The following AGBL4 variants were observed in gnomAD, a reference collection of about 807,000 sequenced individuals.
AGBL4 encodes cytosolic carboxypeptidase 6.
AGBL4 carries 58 observed loss-of-function variants against 66.4 expected under a neutral mutation model. The ratio of observed to expected loss-of-function variants is 0.87; its 90% CI spans 0.71 to 1.09. AGBL4 has a LOEUF of 1.09. Ranked by LOEUF, AGBL4 falls within the 50% of genes least tolerant of loss-of-function variation. AGBL4 has a pLI of 0.00. For missense variants in AGBL4, 579 were observed against 631.0 expected (o/e 0.92, Z 0.88); for synonymous variants, 234 against 222.9 (o/e 1.05, Z -0.44).
At position 49,049,597 on chromosome 1, in the gene AGBL4, A is replaced by C. The variant is rs370469228; in HGVS notation, c.378-3797T>G. Among the ~76,000 whole-genome samples, 38 of 152,192 alleles carry C rather than the reference A, an allele frequency of 2.5e-4. 1 individual carries two copies. Among genetic ancestry groups the C allele is most frequent in the African/African-American group, 9.1e-4 (38 of 41,560 alleles). On this transcript the variant is annotated intron_variant, in intron 4 of 13. Coordinates refer to ENST00000371839, the MANE Select transcript of AGBL4 (RefSeq NM_032785.4). ...AAAAAGCAATGAAAAAAAGGGAAAA[A>C]ACCTTCTTATCCCAGAATAACATTG... is the stretch of plus-strand genomic sequence containing the variant.
At chr1:49,192,082 T>TAACTATTCTCTTTTCTCTGC (rs1345429162) in intron 4 of AGBL4, among the ~76,000 whole-genome samples, 1 of 152,164 alleles carries the variant, frequency 6.6e-6, no homozygotes, top group African/African-American at 2.4e-5. Flanking sequence ...CAACAGTGTA[T>TAACTATTCTCTTTTCTCTGC]AACTATTCTC....
At chr1:49,807,659 G>A (rs1368609346) in intron 2 of AGBL4, among the ~76,000 whole-genome samples, 2 of 152,184 alleles carry the variant, frequency 1.3e-5, no homozygotes, top group Non-Finnish European at 2.9e-5. Context: ...TTACTGGGAT[G>A]GAATGAATGC....
At chr1:49,555,521 T>TCTA in intron 3 of AGBL4, among the ~76,000 whole-genome samples, 3 of 144,396 alleles carry the variant, frequency 2.1e-5, no homozygotes, top group South Asian at 2.5e-4. Context: ...TAAAGGCTTG[T>TCTA]AAATGCACCA....
intron 2 of AGBL4, among the ~76,000 whole-genome samples, chr1:49,816,980 C>T (rs983010027): frequency 3.3e-5 from 5 of 152,130 alleles, no homozygotes; most frequent in African/African-American, 1.2e-4. Context: ...TGAAACCCAA[C>T]TATATTAGAG....
At chr1:49,876,013 T>C (rs1170721328) in intron 1 of AGBL4, among the ~76,000 whole-genome samples, 3 of 147,048 alleles carry the variant, frequency 2.0e-5, no homozygotes, top group South Asian at 4.4e-4. Flanking sequence ...TGTTTGTTTT[T>C]TCCTTGTAAA....
chr1:49,543,710 G>T (rs1652249172), intron 3 of AGBL4, among the ~76,000 whole-genome samples: 1 of 152,184 alleles, frequency 6.6e-6, no homozygotes, highest in African/African-American at 2.4e-5. Context: ...ACATATTTGT[G>T]AACTAAATGT....
chr1:48,962,914 C>A (rs2148942507), intron 5 of AGBL4, among the ~76,000 whole-genome samples: 1 of 151,694 alleles, frequency 6.6e-6, no homozygotes, highest in Admixed American at 6.6e-5. Flanking sequence ...ACAATATGTA[C>A]CTTATGAAGC....
intron 1 of AGBL4, among the ~76,000 whole-genome samples, chr1:49,970,579 C>G (rs1185519402): frequency 1.3e-5 from 2 of 151,688 alleles, no homozygotes; most frequent in Non-Finnish European, 2.9e-5. Flanking sequence ...GCCTGTAATC[C>G]CAGCTACTCA....
At chr1:48,982,325 T>A (rs1406911566) in intron 5 of AGBL4, among the ~76,000 whole-genome samples, 1 of 152,180 alleles carries the variant, frequency 6.6e-6, no homozygotes, top group Admixed American at 6.5e-5. Flanking sequence ...TAGGTATATC[T>A]CCCAGTGCTA....
chr1:49,108,137 T>C (rs1266602433), intron 4 of AGBL4, among the ~76,000 whole-genome samples: 1 of 152,214 alleles, frequency 6.6e-6, no homozygotes, highest in East Asian at 1.9e-4. Context: ...TGTAAGAACG[T>C]TGGGGCAGAC....
chr1:49,894,237 C>G (rs1648946856), intron 1 of AGBL4, among the ~76,000 whole-genome samples: 1 of 151,994 alleles, frequency 6.6e-6, no homozygotes, highest in African/African-American at 2.4e-5. Flanking sequence ...CCTAAAAAGC[C>G]TTCCAAAAAA....
intron 1 of AGBL4, 109 bp from the exon 2 acceptor site, chr1:49,851,627 A>T: frequency 8.8e-7 from 1 of 1,140,700 alleles, no homozygotes; most frequent in Middle Eastern, 2.1e-4. Context: ...TAACCCAAGC[A>T]AAAAGAAGTT....
At chr1:48,580,659 C>T (rs1261906419) in intron 11 of AGBL4, among the ~76,000 whole-genome samples, 1 of 152,200 alleles carries the variant, frequency 6.6e-6, no homozygotes, top group Non-Finnish European at 1.5e-5. Context: ...GCTTTTATGT[C>T]TCTAGATCTA....
intron 1 of AGBL4, among the ~76,000 whole-genome samples, chr1:49,874,685 C>T (rs1646931229): frequency 6.6e-6 from 1 of 152,058 alleles, no homozygotes; most frequent in African/African-American, 2.4e-5. Flanking sequence ...AGTAACTTTA[C>T]ACATCTACAT....
intron 4 of AGBL4, among the ~76,000 whole-genome samples, chr1:49,103,732 A>T (rs1299687221): frequency 6.6e-6 from 1 of 152,128 alleles, no homozygotes; most frequent in Non-Finnish European, 1.5e-5. Context: ...CCACTTCAAA[A>T]CCTAGGGAAA....
chr1:48,703,243 G>A (rs1054867918), intron 6 of AGBL4, among the ~76,000 whole-genome samples: 5 of 152,136 alleles, frequency 3.3e-5, no homozygotes, highest in African/African-American at 1.2e-4. Flanking sequence ...ATAAGATAAA[G>A]GCAGAGATGC....
intron 8 of AGBL4, among the ~76,000 whole-genome samples, chr1:48,647,086 CT>C (rs1234246808): frequency 1.3e-5 from 2 of 152,184 alleles, no homozygotes; most frequent in Non-Finnish European, 2.9e-5. Flanking sequence ...ACTGGATTTA[CT>C]GCACTGGAGC....
At chr1:48,747,175 T>C (rs1363646884) in intron 6 of AGBL4, among the ~76,000 whole-genome samples, 4 of 152,244 alleles carry the variant, frequency 2.6e-5, no homozygotes, top group African/African-American at 4.8e-5. Flanking sequence ...AGAGACAGCA[T>C]TGTACAATCT....
At chr1:49,236,735 C>A (rs976091039) in intron 4 of AGBL4, among the ~76,000 whole-genome samples, 2 of 151,990 alleles carry the variant, frequency 1.3e-5, no homozygotes, top group African/African-American at 2.4e-5. Flanking sequence ...TCACCTGTAA[C>A]CACCACCACA....
Sources: allele counts gnomAD v4.1 joint callset (sites outside exome capture counted in the v4.1 genomes callset), GRCh38; gene constraint gnomAD v4.1.1; transcripts MANE v1.5; gene names NCBI Gene and HGNC (gene_info 2026-07-23, HGNC 2026-07-21).